The following WDR88 variants were observed in gnomAD, a reference collection of about 807,000 sequenced individuals.
WDR88 encodes the protein WD repeat-containing protein 88.
Under a neutral mutation model 46.8 loss-of-function variants are expected in WDR88, and 40 were observed. The observed-to-expected ratio is 0.86, with a 90% confidence interval of 0.66 to 1.11. The LOEUF (loss-of-function observed/expected upper bound fraction) is 1.11, where lower values mean the gene tolerates loss of function less well. WDR88 is among the 50% of genes most tolerant of loss of function. The pLI is 0.00. For missense variants in WDR88, 562 were observed against 602.4 expected (o/e 0.93, Z 0.70); for synonymous variants, 235 against 240.7 (o/e 0.98, Z 0.22).
At chr19:33,172,549 AACAG>A (rs1293267906) in intron 10 of WDR88, 109 bp downstream of exon 10, 8 of 893,386 alleles carry the variant, frequency 9.0e-6, no homozygotes, top group Middle Eastern at 2.3e-4. Context: ...ATCGTGAACA[AACAG>A]ACTGACATTT....
intron 2 of WDR88, among the ~76,000 whole-genome samples, chr19:33,142,423 C>T (rs1224642369): frequency 1.3e-5 from 2 of 151,550 alleles, no homozygotes; most frequent in African/African-American, 2.4e-5. Context: ...GTCTGTGGTG[C>T]GGGTGGGGAA....
intron 9 of WDR88, among the ~76,000 whole-genome samples, chr19:33,169,078 G>A (rs555921740): frequency 6.6e-6 from 1 of 152,264 alleles, no homozygotes; most frequent in East Asian, 1.9e-4. Flanking sequence ...ACCTAATACT[G>A]TATAGAAAAA....
intron 10 of WDR88, chr19:33,174,700 CCT>C (rs1011291530): frequency 4.1e-6 from 4 of 985,296 alleles, no homozygotes; most frequent in Non-Finnish European, 4.8e-6. Context: ...AGGGAGTCAT[CCT>C]CTTAGTCCCA....
intron 8 of WDR88, among the ~76,000 whole-genome samples, chr19:33,163,556 T>C (rs1364660189): frequency 6.6e-6 from 1 of 151,680 alleles, no homozygotes; most frequent in Admixed American, 6.6e-5. Flanking sequence ...AGAATGTACA[T>C]ATATCACATG....
chr19:33,140,661 G>T (rs974102432), intron 2 of WDR88, among the ~76,000 whole-genome samples: 3 of 152,018 alleles, frequency 2.0e-5, no homozygotes, highest in East Asian at 1.9e-4. Flanking sequence ...GTGGTGGCAG[G>T]TGCCTGTAGT....
At chr19:33,170,533 A>G (rs1044814164) in intron 9 of WDR88, among the ~76,000 whole-genome samples, 1 of 151,878 alleles carries the variant, frequency 6.6e-6, no homozygotes, top group Non-Finnish European at 1.5e-5. Context: ...TTGTAGGCAC[A>G]TGTTTAAGGA....
At chr19:33,151,828 T>C (rs1408004738) in intron 6 of WDR88, among the ~76,000 whole-genome samples, 1 of 151,884 alleles carries the variant, frequency 6.6e-6, no homozygotes, top group Non-Finnish European at 1.5e-5. Flanking sequence ...TGCTGTGAGC[T>C]ATGATTGCAC....
Position 33,175,563 on chromosome 19 carries a change from G to A in WDR88, c.1410G>A (p.Lys470=), listed in dbSNP as rs750697955. The change falls in exon 11 of 11, where the codon AAG becomes AAA. Residue 470 remains lysine (K), a synonymous_variant. Coordinates refer to ENST00000355868, the MANE Select transcript of WDR88 (RefSeq NM_173479.4). ...ACTCACCGCCGCCAAGGGGAAGCAA[G>A]GATGACTGACAGCCACAGGCCCCTT... is the stretch of plus-strand genomic sequence containing the variant. The part of the protein sequence containing the change: ...RENSPPPRGS[K]DD The A allele has an allele frequency of 1.2e-6, 2 of 1,614,168 alleles. No homozygotes were observed. Among genetic ancestry groups the A allele is most frequent in the South Asian group, 2.2e-5 (2 of 91,084 alleles).
intron 9 of WDR88, among the ~76,000 whole-genome samples, chr19:33,171,263 G>A (rs1568372692): frequency 6.6e-6 from 1 of 152,186 alleles, no homozygotes; most frequent in Non-Finnish European, 1.5e-5. Context: ...TGGGATTACT[G>A]GTGTGAGCCA....
chr19:33,166,973 G>A (rs1973963669), intron 9 of WDR88, among the ~76,000 whole-genome samples: 1 of 152,160 alleles, frequency 6.6e-6, no homozygotes, highest in African/African-American at 2.4e-5. Context: ...ATATATAGAG[G>A]TAAGACTGTT....
At chr19:33,175,291 C>T (rs1974103979) in intron 10 of WDR88, 105 bp from the exon 11 acceptor site, 1 of 1,213,942 alleles carries the variant, frequency 8.2e-7, no homozygotes, top group South Asian at 1.4e-5. Context: ...AGAGGGGAAC[C>T]CTTGCCTTGC....
intron 10 of WDR88, 148 bp from the exon 11 acceptor site, chr19:33,175,248 A>AAAACAAAC (rs139387848): frequency 0.11 from 101,581 of 949,000 alleles, 8,463 homozygotes; most frequent in Admixed American, 0.3. Context: ...AACAAAAACA[A>AAAACAAAC]AAACAAACAA....
At chr19:33,163,477 C>T (rs1189321557) in intron 8 of WDR88, among the ~76,000 whole-genome samples, 1 of 151,742 alleles carries the variant, frequency 6.6e-6, no homozygotes, top group Non-Finnish European at 1.5e-5. Flanking sequence ...GCCTGGGCGA[C>T]AAGAGCAAAA....
At chr19:33,155,189 G>A (rs2145397756) in intron 6 of WDR88, among the ~76,000 whole-genome samples, 1 of 152,284 alleles carries the variant, frequency 6.6e-6, no homozygotes, top group East Asian at 1.9e-4. Context: ...TGCCCAGGCT[G>A]GAGTGCAATG....
intron 10 of WDR88, 54 bp from the exon 11 acceptor site, chr19:33,175,342 G>A: frequency 6.4e-7 from 1 of 1,567,440 alleles, no homozygotes; most frequent in South Asian, 1.1e-5. Flanking sequence ...TGGCATGCCT[G>A]GATCACCTCT....
rs148179010 is a variant in WDR88, at chr19:33,141,965, G to A, written c.388-2879G>A. On this transcript the variant is annotated intron_variant, in intron 2 of 10. Transcript: ENST00000355868. ...CAAAGTGCTGGGATTACAGGCATGA[G>A]CCACTGCACCTAGAGGAAAAGGGGC... Among the ~76,000 whole-genome samples, 1,474 of 152,334 alleles carry A rather than the reference G, an allele frequency of 9.7e-3. 27 individuals are homozygous for A. Among genetic ancestry groups the A allele is most frequent in the African/African-American group, 0.034 (1,416 of 41,576 alleles).
intron 3 of WDR88, among the ~76,000 whole-genome samples, 172 bp downstream of exon 3, chr19:33,145,104 C>T (rs10411610): frequency 0.4 from 61,203 of 151,840 alleles, 13,119 homozygotes; most frequent in South Asian, 0.61. Flanking sequence ...CCTGCATTGG[C>T]CTCCCAAAGT....
intron 2 of WDR88, among the ~76,000 whole-genome samples, chr19:33,139,047 G>A (rs1973336145): frequency 6.6e-6 from 1 of 152,154 alleles, no homozygotes; most frequent in African/African-American, 2.4e-5. Context: ...TCATCTCTCT[G>A]GGTCTCCTTC....
intron 2 of WDR88, among the ~76,000 whole-genome samples, chr19:33,141,706 GT>G (rs1356592925): frequency 2.6e-5 from 4 of 152,038 alleles, no homozygotes; most frequent in Non-Finnish European, 4.4e-5. Flanking sequence ...TTGAGATGGC[GT>G]TTTGCTCTTG....
Sources: gnomAD v4.1 joint callset for allele counts (sites outside exome capture counted in the v4.1 genomes callset) on GRCh38, gnomAD v4.1.1 for gene constraint, MANE v1.5 for transcripts, NCBI Gene and HGNC (gene_info 2026-07-23, HGNC 2026-07-21) for gene names.